CAMTA1: variants seen among roughly 807,000 people sequenced by gnomAD.
CAMTA1 encodes the protein calmodulin-binding transcription activator 1.
Under a neutral mutation model 170.9 loss-of-function variants are expected in CAMTA1, and 27 were observed. The ratio of observed to expected loss-of-function variants is 0.16; its 90% confidence interval spans 0.12 to 0.22. The LOEUF is 0.22. CAMTA1 is among the 10% of genes least tolerant of loss of function. The pLI, the probability that CAMTA1 is intolerant of heterozygous loss-of-function variation, is 1.00. For missense variants in CAMTA1, 1,619 were observed against 2,217.2 expected, an observed-to-expected ratio of 0.73 and a Z score of 5.42; for synonymous variants, 833 against 891.5, an observed-to-expected ratio of 0.93 and a Z score of 1.17.
rs1226669326 is a variant in CAMTA1, at chr1:7,081,489, G to A, written c.235-9815G>A. On this transcript the variant is annotated intron_variant, in intron 3 of 22. Coordinates refer to ENST00000303635, the MANE Select transcript of CAMTA1 (RefSeq NM_015215.4). ...CTTGGATCTGGCTTCATCAGTACATGTCACTGTATTAAGGGGCAATGAGTG... is the reference window on the plus strand; with the variant it reads ...CTTGGATCTGGCTTCATCAGTACATATCACTGTATTAAGGGGCAATGAGTG... Among the ~76,000 whole-genome samples, 3 of 152,358 alleles carry A rather than the reference G, an allele frequency of 2.0e-5. No individual in the cohort carries two copies. The East Asian group carries it at 5.8e-4, about 29-fold the overall frequency.
chr1:7,338,735 G>GACTTAACGCCACCAAAACATGC (rs1176265180), intron 5 of CAMTA1, among the ~76,000 whole-genome samples: 4 of 152,366 alleles, frequency 2.6e-5, no homozygotes, highest in African/African-American at 9.6e-5. Flanking sequence ...AGCGTAGATG[G>GACTTAACGCCACCAAAACATGC]ACTTAACGCC....
intron 11 of CAMTA1, among the ~76,000 whole-genome samples, chr1:7,679,778 G>A (rs1252796081): frequency 6.6e-6 from 1 of 152,234 alleles, no homozygotes; most frequent in Non-Finnish European, 1.5e-5. Context: ...TGGACCCCCA[G>A]CTCAGAGCGC....
intron 5 of CAMTA1, among the ~76,000 whole-genome samples, chr1:7,344,936 A>G (rs2084118585): frequency 6.6e-6 from 1 of 151,706 alleles, no homozygotes; most frequent in Non-Finnish European, 1.5e-5. Flanking sequence ...TTTTTTTAGT[A>G]GAGACGGGGT....
At chr1:7,632,993 C>A (rs1018415081) in intron 6 of CAMTA1, among the ~76,000 whole-genome samples, 2 of 152,236 alleles carry the variant, frequency 1.3e-5, no homozygotes, top group Admixed American at 6.5e-5. Context: ...GGGGGCCAGG[C>A]CCGTCCTGAG....
At chr1:6,901,770 C>T (rs957581848) in intron 3 of CAMTA1, among the ~76,000 whole-genome samples, 14 of 152,050 alleles carry the variant, frequency 9.2e-5, no homozygotes, top group African/African-American at 1.7e-4. Context: ...TTGCCTGGTG[C>T]GGTGGCTCAC....
intron 4 of CAMTA1, among the ~76,000 whole-genome samples, chr1:7,138,429 A>T (rs1347854686): frequency 6.6e-6 from 1 of 152,244 alleles, no homozygotes; most frequent in Admixed American, 6.5e-5. Context: ...GACTAAAAAG[A>T]ATCACAAGAT....
intron 6 of CAMTA1, among the ~76,000 whole-genome samples, chr1:7,628,470 G>A (rs1459241973): frequency 6.6e-6 from 1 of 152,262 alleles, no homozygotes; most frequent in Non-Finnish European, 1.5e-5. Context: ...TAGTGCACCA[G>A]AGTTGTGTCC....
chr1:7,531,466 G>A lies in CAMTA1; in HGVS notation c.510+63565G>A, dbSNP rs370504873. Among the ~76,000 whole-genome samples the A allele has an allele frequency of 1.8e-4, 27 of 152,260 alleles. No homozygotes were observed. In the East Asian group the frequency reaches 2.9e-3, roughly 16 times the overall value. ...TCAGTGTCAACCACCATCCTTACTC[G>A]AAAAACCTGCAGAGGGGACTCCTGA... On this transcript the variant is annotated intron_variant, in intron 6 of 22. Coordinates refer to ENST00000303635, the MANE Select transcript of CAMTA1 (RefSeq NM_015215.4).
Position 7,737,518 on chromosome 1 carries a change from C to G in CAMTA1, c.3606C>G (p.Ile1202Met). The G allele has an allele frequency of 2.5e-6, 4 of 1,614,066 alleles. No homozygotes were observed. Among genetic ancestry groups the G allele is most frequent in the Non-Finnish European group, 2.5e-6 (3 of 1,179,984 alleles). ...TGGCCCAGTGGCACAGCGAAGCCAT[C>G]AGCTCTCCAGAAATACCCAAGGGAG... ...SWMAQWHSEA[I>M]SSPEIPKGVT... is the part of the protein sequence containing the mutation. The change falls in exon 15 of 23, where the codon ATC (isoleucine) becomes ATG (methionine). Residue 1202 changes from isoleucine (I) to methionine (M), a missense_variant. Ile to Met is a conservative substitution (Grantham distance 10). This residue lies in a region of CAMTA1 where 370 missense variants were observed against 429.4 expected (regional missense o/e 0.86). Coordinates refer to ENST00000303635, the MANE Select transcript of CAMTA1 (RefSeq NM_015215.4).
At chr1:6,838,972 G>C (rs1319468733) in intron 3 of CAMTA1, among the ~76,000 whole-genome samples, 1 of 152,092 alleles carries the variant, frequency 6.6e-6, no homozygotes, top group East Asian at 1.9e-4. Flanking sequence ...GCCCAGGCTG[G>C]TCTTGAATTC....
At chr1:7,679,267 C>A (rs2096159081) in intron 11 of CAMTA1, among the ~76,000 whole-genome samples, 1 of 152,190 alleles carries the variant, frequency 6.6e-6, no homozygotes, top group South Asian at 2.1e-4. Context: ...AGTGACTTGG[C>A]CGGCCTCACT....
chr1:7,453,778 C>A (rs929371189), intron 5 of CAMTA1, among the ~76,000 whole-genome samples: 3 of 152,224 alleles, frequency 2.0e-5, no homozygotes, highest in Non-Finnish European at 4.4e-5. Flanking sequence ...CTGTGGCAGA[C>A]AAAAGACCCC....
At chr1:7,109,491 T>A (rs925418077) in intron 4 of CAMTA1, among the ~76,000 whole-genome samples, 5 of 152,234 alleles carry the variant, frequency 3.3e-5, no homozygotes, top group African/African-American at 1.2e-4. Flanking sequence ...TGAATATGCA[T>A]GATCCATTGA....
At chr1:7,587,119 C>T (rs1281833649) in intron 6 of CAMTA1, among the ~76,000 whole-genome samples, 1 of 152,052 alleles carries the variant, frequency 6.6e-6, no homozygotes, top group African/African-American at 2.4e-5. Context: ...GTCTGCACGC[C>T]TTCCCTTCCC....
chr1:6,822,641 T>C (rs1254011021), intron 2 of CAMTA1, among the ~76,000 whole-genome samples: 4 of 152,136 alleles, frequency 2.6e-5, no homozygotes, highest in Admixed American at 1.3e-4. Context: ...GTGTAAAGTG[T>C]AATGTTTAGA....
intron 5 of CAMTA1, among the ~76,000 whole-genome samples, chr1:7,359,324 G>T (rs2149962300): frequency 6.6e-6 from 1 of 152,248 alleles, no homozygotes; most frequent in South Asian, 2.1e-4. Flanking sequence ...CTGGGCACCT[G>T]GACAGCACCA....
Position 7,533,461 on chromosome 1 carries a change from A to G in CAMTA1, c.510+65560A>G, listed in dbSNP as rs1231227220. On this transcript the variant is annotated intron_variant, in intron 6 of 22. Coordinates refer to ENST00000303635, the MANE Select transcript of CAMTA1 (RefSeq NM_015215.4). Reference sequence around the variant, plus strand: ...TTTATCCCCAAAGAAGGAACTGCCAAGAGGGACCAAGGGCTACTCCGAAGG... The same window carrying G: ...TTTATCCCCAAAGAAGGAACTGCCAGGAGGGACCAAGGGCTACTCCGAAGG... 3.3e-5 allele frequency among the ~76,000 whole-genome samples: 5 copies of G among 152,216 alleles called. No homozygotes were observed. In the South Asian group the frequency reaches 8.3e-4, roughly 25 times the overall value.
At chr1:7,365,794 C>A (rs1444596036) in intron 5 of CAMTA1, among the ~76,000 whole-genome samples, 1 of 152,210 alleles carries the variant, frequency 6.6e-6, no homozygotes, top group African/African-American at 2.4e-5. Flanking sequence ...CAAGATATGG[C>A]TTCTCTGCTG....
chr1:6,895,907 T>G (rs143652614), intron 3 of CAMTA1, among the ~76,000 whole-genome samples: 1 of 152,340 alleles, frequency 6.6e-6, no homozygotes, highest in Non-Finnish European at 1.5e-5. Flanking sequence ...TGTCCTCAGC[T>G]CTTCCCCATC....
Sources: gnomAD v4.1 joint callset for allele counts (sites outside exome capture counted in the v4.1 genomes callset) on GRCh38, gnomAD v4.1.1 for gene constraint, gnomAD v4.1.1 regional missense constraint, MANE v1.5 for transcripts, NCBI Gene and HGNC (gene_info 2026-07-23, HGNC 2026-07-21) for gene names.